BAHCC1: variants seen among roughly 807,000 people sequenced by gnomAD.
The protein encoded by BAHCC1 is BAH and coiled-coil domain-containing protein 1.
Under a neutral mutation model 88.2 loss-of-function variants are expected in BAHCC1, and 43 were observed. That is an observed-to-expected ratio of 0.49 (90% CI 0.38 to 0.63). BAHCC1 has a LOEUF of 0.63. Ranked by LOEUF, BAHCC1 falls within the 20% of genes least tolerant of loss-of-function variation. The probability of loss-of-function intolerance (pLI) is 0.00; values close to 1 mark genes in which losing one functional copy is unlikely to be tolerated. For missense variants in BAHCC1, 3,023 were observed against 1,654.8 expected (o/e 1.83, Z -14.34); for synonymous variants, 1,510 against 745.5 (o/e 2.03, Z -16.71).
intron 3 of BAHCC1, among the ~76,000 whole-genome samples, chr17:81,427,237 A>G (rs1355163823): frequency 6.8e-6 from 1 of 146,714 alleles, no homozygotes; most frequent in African/African-American, 2.7e-5. Context: ...AAGGGGAAAC[A>G]GGGGGGCCAG....
intron 23 of BAHCC1, among the ~76,000 whole-genome samples, chr17:81,459,845 G>A (rs1166465957): frequency 1.3e-5 from 2 of 152,124 alleles, no homozygotes; most frequent in Admixed American, 1.3e-4. Context: ...GGGGCCCTGA[G>A]CACTGCTGCT....
intron 15 of BAHCC1, 188 bp from the exon 16 acceptor site, chr17:81,456,109 G>A (rs1435659423): frequency 1.1e-5 from 6 of 550,692 alleles, no homozygotes; most frequent in South Asian, 2.5e-5. Context: ...GGGAAAGGCC[G>A]CAGCGTAGGC....
At position 81,447,392 on chromosome 17, in the gene BAHCC1, G is replaced by A; in HGVS notation, c.3520G>A (p.Ala1174Thr). 1 of 742,884 alleles carries A rather than the reference G, an allele frequency of 1.3e-6. No individual in the cohort carries two copies. The highest frequency in any genetic ancestry group is 2.5e-6 in the Non-Finnish European group (1 of 399,532). 46.0% of individuals were successfully genotyped at this position (742,884 alleles called of 1,614,324 possible). ...AGGGGGCCCCGAGGCCACCGGCCAG[G>A]CTCATTCTACTCAGGGAGGGGCACG... is the stretch of plus-strand genomic sequence containing the variant. ...EAGGPEATGQ[A>T]HSTQGGAREE... is the part of the protein sequence containing the mutation. Residue 1174 changes from alanine to threonine, a missense_variant, in exon 11 of 28, where the codon GCT becomes ACT. Coordinates refer to ENST00000675386, the MANE Select transcript of BAHCC1 (RefSeq NM_001377448.1).
At chr17:81,410,967 C>T (rs2063942548) in intron 2 of BAHCC1, 1 of 435,214 alleles carries the variant, frequency 2.3e-6, no homozygotes, top group Non-Finnish European at 4.6e-6. Flanking sequence ...CTCTCTAGGT[C>T]CCTCCCATGA....
At chr17:81,463,324 GAGA>G (rs370419341) in intron 27 of BAHCC1, among the ~76,000 whole-genome samples, 210 of 152,328 alleles carry the variant, frequency 1.4e-3, no homozygotes, top group African/African-American at 4.6e-3. Flanking sequence ...GCTCCTCTCT[GAGA>G]AGAAGCCATT....
intron 2 of BAHCC1, among the ~76,000 whole-genome samples, chr17:81,418,797 G>GTGTGTGTGTGCGCGCGCA (rs1555649129): frequency 7.9e-4 from 15 of 19,076 alleles, no homozygotes; most frequent in South Asian, 1.5e-3. Context: ...ACGTGTGTGC[G>GTGTGTGTGTGCGCGCGCA]TGTGTGTGTG....
At position 81,463,683 on chromosome 17, in the gene BAHCC1, G is replaced by A; in HGVS notation, c.7693G>A (p.Ala2565Thr). The A allele has an allele frequency of 1.3e-6, 1 of 779,678 alleles. No individual in the cohort carries two copies. The highest frequency in any genetic ancestry group is 1.7e-5 in the African/African-American group (1 of 59,268). The allele number at this position is 779,678 out of a possible 1,614,324, so 48.3% of individuals were successfully genotyped here. A position where few individuals can be genotyped will look rare whatever the true frequency, so the allele number is the denominator to read the frequency against. The change falls in exon 28 of 28, where the codon GCG becomes ACG. Residue 2565 changes from alanine to threonine, a missense_variant. Physicochemically the swap from Ala to Thr is moderately conservative, Grantham distance 58 (BLOSUM62 0). Transcript: ENST00000675386. Reference protein sequence around the residue: ...QTISHKCQVVAREQYEQMARS... With the variant: ...QTISHKCQVVTREQYEQMARS... ...CATCTCCCACAAGTGCCAGGTCGTG[G>A]CGCGCGAGCAGTATGAGCAGATGGC... is the stretch of plus-strand genomic sequence containing the variant.
At chr17:81,400,491 C>T (rs946525520) in intron 2 of BAHCC1, among the ~76,000 whole-genome samples, 1 of 152,206 alleles carries the variant, frequency 6.6e-6, no homozygotes, top group African/African-American at 2.4e-5. Flanking sequence ...TTTGCCTTAA[C>T]GAGTGCCTCT....
intron 23 of BAHCC1, 77 bp from the exon 24 acceptor site, chr17:81,460,200 G>A (rs1050129302): frequency 7.2e-5 from 49 of 683,044 alleles, no homozygotes; most frequent in Non-Finnish European, 1.1e-4. Context: ...CCTCCCCACC[G>A]GCTTTGGCAG....
chr17:81,402,193 T>TC (rs879951938), intron 2 of BAHCC1: 1 of 151,916 alleles, frequency 6.6e-6, no homozygotes, highest in African/African-American at 2.4e-5. Flanking sequence ...CCCCATTTCC[T>TC]CCCCCCTGCG....
At chr17:81,408,171 G>C (rs1256939640) in intron 2 of BAHCC1, among the ~76,000 whole-genome samples, 1 of 152,208 alleles carries the variant, frequency 6.6e-6, no homozygotes, top group Non-Finnish European at 1.5e-5. Context: ...CTCTTGCTCG[G>C]CAGGAGGAGG....
Position 81,411,103 on chromosome 17 carries a change from T to C in BAHCC1, c.178+11186T>C. On this transcript the variant is annotated intron_variant, in intron 2 of 27. Transcript: ENST00000675386. The surrounding 1 kb of genome is among the most constrained non-coding windows in gnomAD (Gnocchi z 6.2). ...TCTCTGGGGTCACGCTCCCTTGTTCTCAGTCCCGCAGCCGTCCTCTGCGTG... is the reference window on the plus strand; with the variant it reads ...TCTCTGGGGTCACGCTCCCTTGTTCCCAGTCCCGCAGCCGTCCTCTGCGTG... 1 of 519,392 alleles carries C rather than the reference T, an allele frequency of 1.9e-6. No homozygotes were observed. 32.2% of individuals were successfully genotyped at this position (519,392 alleles called of 1,614,324 possible).
chr17:81,444,563 C>T lies in BAHCC1; in HGVS notation c.2507C>T (p.Ser836Phe). The change falls in exon 7 of 28, where the codon TCC becomes TTC. Residue 836 changes from serine to phenylalanine, a missense_variant. Physicochemically the swap from Ser to Phe is radical, Grantham distance 155 (BLOSUM62 -2). Coordinates refer to ENST00000675386, the MANE Select transcript of BAHCC1 (RefSeq NM_001377448.1). ...RSPSLWMGGHSYGLGHPALHQ... is the reference protein window; with the variant it reads ...RSPSLWMGGHFYGLGHPALHQ... ...CCCTCCCTGTGGATGGGGGGGCACTCCTACGGTCAGTGATCCAAGGGCGGG... is the reference window on the plus strand; with the variant it reads ...CCCTCCCTGTGGATGGGGGGGCACTTCTACGGTCAGTGATCCAAGGGCGGG... 2 of 727,582 alleles carry T rather than the reference C, an allele frequency of 2.7e-6. No homozygotes were observed. Among genetic ancestry groups the T allele is most frequent in the Non-Finnish European group, 5.0e-6 (2 of 397,828 alleles). The allele number at this position is 727,582 out of a possible 1,614,324, so 45.1% of individuals were successfully genotyped here.
chr17:81,425,126 A>G (rs1162043555), intron 2 of BAHCC1, among the ~76,000 whole-genome samples: 47 of 34,702 alleles, frequency 1.4e-3, no homozygotes, highest in African/African-American at 1.7e-3. Flanking sequence ...TGGGGGTGAT[A>G]GTGGTGGGTG....
At chr17:81,458,064 G>A in intron 17 of BAHCC1, 101 bp from the exon 18 acceptor site, 1 of 665,072 alleles carries the variant, frequency 1.5e-6, no homozygotes, top group South Asian at 1.7e-5. Flanking sequence ...GGGGCGGGCA[G>A]GGGTTGCTAG....
rs1050201178 is a variant in BAHCC1, at chr17:81,435,588, C to T, written c.359-2782C>T. 10 of 439,946 alleles carry T rather than the reference C, an allele frequency of 2.3e-5. No individual in the cohort carries two copies. The highest frequency in any genetic ancestry group is 2.0e-4 in the African/African-American group (10 of 49,518). 27.3% of individuals were successfully genotyped at this position (439,946 alleles called of 1,614,324 possible). ...AGGTTCTGGAGCCCCGACGTTCTAG[C>T]AGGAGCTTGCAGTTGAGGACCTCTG... On this transcript the variant is annotated intron_variant, in intron 3 of 27. Coordinates refer to ENST00000675386, the MANE Select transcript of BAHCC1 (RefSeq NM_001377448.1). This position sits in a 1 kb window ranked among gnomAD's most constrained non-coding sequence, Gnocchi z 4.4.
At chr17:81,400,331 G>A (rs2063798950) in intron 2 of BAHCC1, among the ~76,000 whole-genome samples, 1 of 152,224 alleles carries the variant, frequency 6.6e-6, no homozygotes, top group South Asian at 2.1e-4. Context: ...GTGGCGGGGG[G>A]AGGGGACCAG....
intron 25 of BAHCC1, 51 bp from the exon 26 acceptor site, chr17:81,460,815 G>A (rs1417726062): frequency 3.9e-6 from 3 of 768,116 alleles, no homozygotes; most frequent in Non-Finnish European, 7.2e-6. Context: ...GCAGGTGGAG[G>A]CAGCTTTGTG....
At position 81,437,797 on chromosome 17, in the gene BAHCC1, C is replaced by G. The variant is rs1555651944; in HGVS notation, c.359-573C>G. Among the ~76,000 whole-genome samples the G allele has an allele frequency of 3.3e-5, 5 of 152,366 alleles. No homozygotes were observed. In the South Asian group the frequency reaches 8.3e-4, roughly 25 times the overall value. On this transcript the variant is annotated intron_variant, in intron 3 of 27. Coordinates refer to ENST00000675386, the MANE Select transcript of BAHCC1 (RefSeq NM_001377448.1). ...GAACTCTTTGCCCCCGTCCCTTCCC[C>G]ACCCTGTGCAGATCTCAGAGCCGGA...
Sources: allele counts gnomAD v4.1 joint callset (sites outside exome capture counted in the v4.1 genomes callset), GRCh38; gene constraint gnomAD v4.1.1; non-coding constraint Gnocchi (gnomAD v3.1); transcripts MANE v1.5; gene names NCBI Gene and HGNC (gene_info 2026-07-23, HGNC 2026-07-21).